The following GOLGA4 variants were observed in gnomAD, a reference collection of about 807,000 sequenced individuals.
GOLGA4 encodes golgin subfamily A member 4.
In GOLGA4, 169 loss-of-function variants were observed where a neutral mutation model predicts 265.9. The ratio of observed to expected loss-of-function variants is 0.64; its 90% CI spans 0.56 to 0.72. GOLGA4 has a LOEUF of 0.72. Ranked by LOEUF, GOLGA4 falls within the 30% of genes least tolerant of loss-of-function variation. The probability of loss-of-function intolerance (pLI) is 0.00; values close to 1 mark genes in which losing one functional copy is unlikely to be tolerated. For synonymous variants in GOLGA4, 923 were observed against 855.8 expected (o/e 1.08, Z -1.37); for missense variants, 2,482 against 2,483.4 (o/e 1.00, Z 0.01).
At position 37,298,848 on chromosome 3, in the gene GOLGA4, C is replaced by T. The variant is rs183825084; in HGVS notation, c.830C>T (p.Ser277Phe). ...DGEPVVEDGT[S>F]VKTLETLQQR... Reference sequence around the variant, plus strand: ...TTATTGTTAGTGGAAGATGGAACTTCTGTAAAAACACTGGAAACACTCCAG... The same window carrying T: ...TTATTGTTAGTGGAAGATGGAACTTTTGTAAAAACACTGGAAACACTCCAG... The change falls in exon 8 of 24, where the codon TCT becomes TTT. Residue 277 changes from serine to phenylalanine, a missense_variant. Physicochemically the swap from Ser to Phe is radical, Grantham distance 155 (BLOSUM62 -2). Coordinates refer to ENST00000361924, the MANE Select transcript of GOLGA4 (RefSeq NM_002078.5). The T allele has an allele frequency of 3.1e-6, 5 of 1,604,824 alleles. No homozygotes were observed. The East Asian group carries it at 1.1e-4, about 36-fold the overall frequency.
rs967671163 is a variant in GOLGA4 at position 37,362,213 on chromosome 3, A to C, written c.*33+908A>C. On this transcript the variant is annotated intron_variant, in intron 23 of 23. Coordinates refer to ENST00000361924, the MANE Select transcript of GOLGA4 (RefSeq NM_002078.5). The stretch of plus-strand genomic sequence containing the variant: ...CTTTTAAGCTTTTATTTATTTATTT[A>C]TTTATTTATTTATTTATTTATTTAT... Among the ~76,000 whole-genome samples, 347 of 78,000 alleles carry C rather than the reference A, an allele frequency of 4.4e-3. 3 individuals are homozygous for C. The highest frequency in any genetic ancestry group is 0.01 in the African/African-American group (329 of 31,528). 51.2% of individuals were successfully genotyped at this position (78,000 alleles called of 152,430 possible).
chr3:37,319,033 C>T, intron 11 of GOLGA4, 30 bp from the exon 12 acceptor site: 2 of 1,495,626 alleles, frequency 1.3e-6, no homozygotes, highest in East Asian at 2.3e-5. Context: ...TTCTGGGTGT[C>T]CTTATATTAT....
In GOLGA4 at chr3:37,337,749, G is replaced by C; in HGVS notation, c.6396+15G>C. On this transcript the variant is annotated intron_variant, in intron 19 of 23. Transcript: ENST00000361924. ...TCAGAGAACAGGTACAGGCCTAATT[G>C]GTACCTTTTATTTTGAACTAAAGTT... 1 of 1,513,314 alleles carries C rather than the reference G, an allele frequency of 6.6e-7. No homozygotes were observed. The highest frequency in any genetic ancestry group is 9.2e-7 in the Non-Finnish European group (1 of 1,088,498). The allele number at this position is 1,513,314 out of a possible 1,614,324, so 93.7% of individuals were successfully genotyped here.
At chr3:37,263,700 C>T (rs150462489) in intron 2 of GOLGA4, among the ~76,000 whole-genome samples, 10 of 152,022 alleles carry the variant, frequency 6.6e-5, no homozygotes, top group African/African-American at 2.2e-4. Context: ...GATATACACA[C>T]GCATATATAT....
chr3:37,345,022 C>G (rs190212468), intron 20 of GOLGA4, among the ~76,000 whole-genome samples: 1 of 152,018 alleles, frequency 6.6e-6, no homozygotes, highest in African/African-American at 2.4e-5. Context: ...TGAGACTAAC[C>G]TGGACAATGT....
intron 2 of GOLGA4, among the ~76,000 whole-genome samples, chr3:37,275,468 ATAT>A (rs1451173691): frequency 2.6e-5 from 4 of 152,096 alleles, no homozygotes; most frequent in Admixed American, 2.0e-4. Flanking sequence ...TAGGGGTAAA[ATAT>A]TGGGAGGCAT....
At chr3:37,246,929 A>T (rs945095652) in intron 1 of GOLGA4, among the ~76,000 whole-genome samples, 3 of 152,212 alleles carry the variant, frequency 2.0e-5, no homozygotes, top group African/African-American at 7.2e-5. Context: ...AAAAAATAAA[A>T]ACAAAAAAAC....
At chr3:37,351,890 A>G (rs2097075752) in intron 21 of GOLGA4, among the ~76,000 whole-genome samples, 1 of 152,038 alleles carries the variant, frequency 6.6e-6, no homozygotes, top group African/African-American at 2.4e-5. Flanking sequence ...GGGATGGTAA[A>G]TGAGCATTGC....
Position 37,243,541 on chromosome 3 carries a change from A to G in GOLGA4, c.-10A>G. 9 of 1,613,738 alleles carry G rather than the reference A, an allele frequency of 5.6e-6. No homozygotes were observed. The highest frequency in any genetic ancestry group is 7.6e-6 in the Non-Finnish European group (9 of 1,179,698). ...TTCGTTGACACTCAGGACCGTACGT[A>G]CGCTGCGCCATGTTCAAGAAACTGA... On this transcript the variant is annotated 5_prime_UTR_variant, in exon 1 of 24. Transcript: ENST00000361924.
At chr3:37,291,432 A>G (rs1429496100) in intron 5 of GOLGA4, among the ~76,000 whole-genome samples, 1 of 152,200 alleles carries the variant, frequency 6.6e-6, no homozygotes, top group African/African-American at 2.4e-5. Flanking sequence ...TAGGCCTCCT[A>G]TCTATCTATT....
At chr3:37,312,720 C>T (rs1465893893) in intron 10 of GOLGA4, among the ~76,000 whole-genome samples, 1 of 151,934 alleles carries the variant, frequency 6.6e-6, no homozygotes, top group Non-Finnish European at 1.5e-5. Flanking sequence ...GATGGGATTT[C>T]ACTGTGTTGC....
chr3:37,318,876 G>A (rs2096945719), intron 11 of GOLGA4, among the ~76,000 whole-genome samples, 187 bp from the exon 12 acceptor site: 1 of 152,144 alleles, frequency 6.6e-6, no homozygotes, highest in South Asian at 2.1e-4. Flanking sequence ...AAAACTACTG[G>A]TTATTCTTTT....
In GOLGA4 at chr3:37,355,439, A is replaced by G. The variant is rs534276380; in HGVS notation, c.6663+252A>G. ...AGCTTGACACCCGTATGTATGCTAT[A>G]TGACATTTCCAGAACTTGGGCTGTT... is the stretch of plus-strand genomic sequence containing the variant. On this transcript the variant is annotated intron_variant, in intron 22 of 23. Coordinates refer to ENST00000361924, the MANE Select transcript of GOLGA4 (RefSeq NM_002078.5). Among the ~76,000 whole-genome samples, 4 of 152,280 alleles carry G rather than the reference A, an allele frequency of 2.6e-5. No individual in the cohort carries two copies. The South Asian group carries it at 8.3e-4, about 32-fold the overall frequency.
intron 2 of GOLGA4, among the ~76,000 whole-genome samples, chr3:37,258,106 A>G (rs1254844508): frequency 2.2e-5 from 3 of 136,998 alleles, no homozygotes; most frequent in South Asian, 2.2e-4. Flanking sequence ...TGCTCTGTAT[A>G]TATATATGTG....
chr3:37,302,470 C>T, intron 10 of GOLGA4, 138 bp downstream of exon 10: 2 of 755,790 alleles, frequency 2.6e-6, no homozygotes, highest in Non-Finnish European at 4.2e-6. Context: ...CCCATCTGCT[C>T]ATTAGAGGAG....
chr3:37,344,020 G>T (rs2097047818), intron 20 of GOLGA4, among the ~76,000 whole-genome samples: 1 of 152,162 alleles, frequency 6.6e-6, no homozygotes, highest in Non-Finnish European at 1.5e-5. Context: ...CTATAAATAG[G>T]AACTTTTCCA....
At chr3:37,335,831 T>G (rs1372531961) in intron 17 of GOLGA4, among the ~76,000 whole-genome samples, 1 of 151,928 alleles carries the variant, frequency 6.6e-6, no homozygotes, top group African/African-American at 2.4e-5. Flanking sequence ...ACTCCATGGC[T>G]TCTTGTCCTG....
intron 2 of GOLGA4, among the ~76,000 whole-genome samples, chr3:37,261,288 T>A (rs1453688713): frequency 6.6e-6 from 1 of 152,188 alleles, no homozygotes; most frequent in African/African-American, 2.4e-5. Flanking sequence ...CAAATCATGC[T>A]GTGATTTGAC....
At chr3:37,337,553 T>G (rs561397091) in intron 18 of GOLGA4, 113 bp from the exon 19 acceptor site, 2 of 705,446 alleles carry the variant, frequency 2.8e-6, no homozygotes, top group African/African-American at 3.6e-5. Flanking sequence ...GGGTATTCAG[T>G]GTTATAAGTT....
Sources: allele counts gnomAD v4.1 joint callset (sites outside exome capture counted in the v4.1 genomes callset), GRCh38; gene constraint gnomAD v4.1.1; transcripts MANE v1.5; gene names NCBI Gene and HGNC (gene_info 2026-07-23, HGNC 2026-07-21).